The following MAGI2 variants were observed in gnomAD, a reference collection of about 807,000 sequenced individuals.
MAGI2 encodes membrane associated guanylate kinase, WW and PDZ domain containing 2, also known as membrane-associated guanylate kinase, WW and PDZ domain-containing protein 2.
Under a neutral mutation model 133.3 loss-of-function variants are expected in MAGI2, and 35 were observed. The ratio of observed to expected loss-of-function variants is 0.26; its 90% CI spans 0.20 to 0.35. MAGI2 has a LOEUF of 0.35. Ranked by LOEUF, MAGI2 falls within the 10% of genes least tolerant of loss-of-function variation. MAGI2 has a pLI of 1.00. For synonymous variants in MAGI2, 729 were observed against 710.6 expected (o/e 1.03, Z -0.41); for missense variants, 1,636 against 1,863.4 (o/e 0.88, Z 2.25).
chr7:78,320,458 C>A (rs986220858), intron 9 of MAGI2, among the ~76,000 whole-genome samples: 24 of 152,186 alleles, frequency 1.6e-4, no homozygotes, highest in African/African-American at 5.5e-4. Flanking sequence ...GGATGCAAGA[C>A]TGGTTCAACA....
chr7:79,228,325 A>G (rs1188143744), intron 1 of MAGI2, among the ~76,000 whole-genome samples: 1 of 146,676 alleles, frequency 6.8e-6, no homozygotes, highest in Non-Finnish European at 1.5e-5. Context: ...GCTGGGTGAC[A>G]GAGCAAGACC....
At chr7:78,914,459 T>C (rs1798635159) in intron 2 of MAGI2, among the ~76,000 whole-genome samples, 1 of 152,174 alleles carries the variant, frequency 6.6e-6, no homozygotes, top group Admixed American at 6.6e-5. Flanking sequence ...AATATATATT[T>C]GTCAAATATC....
chr7:78,042,379 G>C (rs924020406), intron 21 of MAGI2, among the ~76,000 whole-genome samples: 6 of 152,228 alleles, frequency 3.9e-5, no homozygotes, highest in South Asian at 4.1e-4. Context: ...TGGGTGGGCT[G>C]CTACTTTGTA....
intron 2 of MAGI2, among the ~76,000 whole-genome samples, chr7:78,834,554 A>G (rs150067884): frequency 6.6e-6 from 1 of 152,304 alleles, no homozygotes; most frequent in Non-Finnish European, 1.5e-5. Context: ...ATTTCATTGT[A>G]TAAATATACC....
chr7:78,248,386 C>T (rs1792019711), intron 10 of MAGI2, among the ~76,000 whole-genome samples: 1 of 152,092 alleles, frequency 6.6e-6, no homozygotes, highest in African/African-American at 2.4e-5. Flanking sequence ...TACTATGAAC[C>T]ATTAACAAAA....
intron 6 of MAGI2, among the ~76,000 whole-genome samples, chr7:78,440,585 A>G (rs1787516970): frequency 1.3e-5 from 2 of 152,182 alleles, no homozygotes; most frequent in African/African-American, 4.8e-5. Flanking sequence ...ACAAACAAAT[A>G]CATAAAAACA....
At position 78,019,731 on chromosome 7, in the gene MAGI2, C is replaced by T. The variant is rs1563008522; in HGVS notation, c.3952G>A (p.Ala1318Thr). The T allele has an allele frequency of 6.2e-7, 1 of 1,608,124 alleles. No homozygotes were observed. The highest frequency in any genetic ancestry group is 8.5e-7 in the Non-Finnish European group (1 of 1,178,850). The change falls in exon 22 of 22, where the codon GCG becomes ACG. Residue 1318 changes from alanine (A) to threonine (T), a missense_variant. Coordinates refer to ENST00000354212, the MANE Select transcript of MAGI2 (RefSeq NM_012301.4). ...GGCCGCGCGGCCCTCTGCGGACTCG[C>T]CGAGCGCTCCCTCTGCTCCCCGAGG... ...QRLGEQRERS[A>T]SPQRAARPRL...
At chr7:79,100,711 C>T (rs1210591868) in intron 1 of MAGI2, among the ~76,000 whole-genome samples, 1 of 151,462 alleles carries the variant, frequency 6.6e-6, no homozygotes, top group Non-Finnish European at 1.5e-5. Flanking sequence ...AAATATATAG[C>T]TATTTTTCTT....
At chr7:78,063,593 C>A (rs1584986266) in intron 21 of MAGI2, among the ~76,000 whole-genome samples, 1 of 152,184 alleles carries the variant, frequency 6.6e-6, no homozygotes, top group South Asian at 2.1e-4. Flanking sequence ...TCCCCCTTTG[C>A]CATTTAGCCT....
intron 2 of MAGI2, among the ~76,000 whole-genome samples, chr7:78,971,027 C>T (rs965375596): frequency 2.0e-5 from 3 of 152,070 alleles, no homozygotes; most frequent in African/African-American, 7.2e-5. Context: ...AACTTCCATT[C>T]TCTGGTGGGT....
chr7:78,747,305 C>A (rs1463691528), intron 2 of MAGI2, among the ~76,000 whole-genome samples: 1 of 152,226 alleles, frequency 6.6e-6, no homozygotes, highest in East Asian at 1.9e-4. Context: ...TATAATTCTA[C>A]TACCAAAGAT....
At chr7:79,368,717 G>A (rs1042031492) in intron 1 of MAGI2, among the ~76,000 whole-genome samples, 7 of 150,134 alleles carry the variant, frequency 4.7e-5, no homozygotes, top group African/African-American at 1.7e-4. Context: ...GCGTAGTGGC[G>A]GGCGCCTGTA....
At chr7:78,948,798 A>G (rs780240399) in intron 2 of MAGI2, among the ~76,000 whole-genome samples, 15 of 152,186 alleles carry the variant, frequency 9.9e-5, no homozygotes, top group Non-Finnish European at 1.8e-4. Flanking sequence ...AAAAAATGTT[A>G]ATTTGCTCAA....
At chr7:78,229,444 C>A (rs533022789) in intron 10 of MAGI2, among the ~76,000 whole-genome samples, 1 of 152,296 alleles carries the variant, frequency 6.6e-6, no homozygotes, top group East Asian at 1.9e-4. Context: ...GGAAATCAGG[C>A]TTTGGTGGGT....
At chr7:79,163,979 T>C (rs892921494) in intron 1 of MAGI2, among the ~76,000 whole-genome samples, 2 of 151,986 alleles carry the variant, frequency 1.3e-5, no homozygotes, top group African/African-American at 2.4e-5. Flanking sequence ...CCTTACACAA[T>C]TGGCTATTAC....
At chr7:79,430,613 A>G (rs1847714469) in intron 1 of MAGI2, among the ~76,000 whole-genome samples, 1 of 152,220 alleles carries the variant, frequency 6.6e-6, no homozygotes, top group African/African-American at 2.4e-5. Flanking sequence ...TTACACAAAA[A>G]TTACCTAATC....
chr7:78,390,555 G>A (rs983103914), intron 6 of MAGI2, among the ~76,000 whole-genome samples: 6 of 151,454 alleles, frequency 4.0e-5, no homozygotes, highest in Non-Finnish European at 8.8e-5. Flanking sequence ...TAGAAGTGGG[G>A]CAGAGGTGCT....
intron 2 of MAGI2, among the ~76,000 whole-genome samples, chr7:78,641,781 A>G (rs1359462787): frequency 2.6e-5 from 4 of 152,240 alleles, no homozygotes; most frequent in Admixed American, 2.6e-4. Flanking sequence ...TAGAAGGATC[A>G]TAGATATTTG....
intron 1 of MAGI2, among the ~76,000 whole-genome samples, chr7:79,071,374 G>C (rs780757820): frequency 5.3e-5 from 8 of 152,012 alleles, no homozygotes; most frequent in Non-Finnish European, 8.8e-5. Flanking sequence ...TCCTGTATGA[G>C]GTGTCTGTTG....
Sources: gnomAD v4.1 joint callset for allele counts (sites outside exome capture counted in the v4.1 genomes callset) on GRCh38, gnomAD v4.1.1 for gene constraint, MANE v1.5 for transcripts, NCBI Gene and HGNC (gene_info 2026-07-23, HGNC 2026-07-21) for gene names.